HROB: variants seen among roughly 807,000 people sequenced by gnomAD.
HROB encodes homologous recombination factor with OB-fold, also known as homologous recombination OB-fold protein.
HROB carries 44 observed loss-of-function variants against 61.0 expected under a neutral mutation model. The observed-to-expected ratio is 0.72, with a 90% CI of 0.57 to 0.93. The LOEUF is 0.93. HROB is among the 40% of genes least tolerant of loss of function. HROB has a pLI of 0.00. For missense variants in HROB, 716 were observed against 796.2 expected (o/e 0.90, Z 1.21); for synonymous variants, 301 against 310.4 (o/e 0.97, Z 0.32).
chr17:44,155,395 C>T lies in HROB; in HGVS notation c.1754C>T (p.Ser585Phe). 6.2e-7 allele frequency: 1 copy of T among 1,614,152 alleles called. No individual in the cohort carries two copies. Among genetic ancestry groups the T allele is most frequent in the Non-Finnish European group, 8.5e-7 (1 of 1,180,008 alleles). ...DSGDGSFLKP[S>F]QPFPKDSGSF... ...GGGGATGGGAGCTTCCTCAAGCCAT[C>T]TCAGCCCTTCCCCAAGGTAAGAGGA... is the stretch of plus-strand genomic sequence containing the variant. The change falls in exon 8 of 10, where the codon TCT becomes TTT. Residue 585 changes from serine to phenylalanine, a missense_variant. Ser to Phe is a radical substitution (Grantham distance 155). Coordinates refer to ENST00000585683, the MANE Select transcript of HROB (RefSeq NM_001171251.3).
intron 9 of HROB, among the ~76,000 whole-genome samples, chr17:44,160,693 A>G (rs1362941363): frequency 6.6e-6 from 1 of 152,242 alleles, no homozygotes; most frequent in African/African-American, 2.4e-5. Context: ...GCACCTGGGT[A>G]GGTTTCCACC....
intron 9 of HROB, among the ~76,000 whole-genome samples, chr17:44,159,731 T>C (rs895204090): frequency 3.3e-5 from 5 of 152,216 alleles, no homozygotes; most frequent in African/African-American, 1.2e-4. Context: ...GAGGACAGCA[T>C]ATGTCAGCGT....
intron 2 of HROB, among the ~76,000 whole-genome samples, chr17:44,145,921 A>G (rs1313783868): frequency 6.6e-6 from 1 of 152,230 alleles, no homozygotes; most frequent in Non-Finnish European, 1.5e-5. Context: ...GGTTTGTTAC[A>G]TAGGTAAACA....
At chr17:44,152,127 G>A (rs547221440) in intron 4 of HROB, among the ~76,000 whole-genome samples, 6 of 152,168 alleles carry the variant, frequency 3.9e-5, no homozygotes, top group African/African-American at 4.8e-5. Flanking sequence ...TAACAGGTGT[G>A]AGCCACTGCG....
rs771033800 is a variant in HROB, at chr17:44,148,706, C to G, written c.903C>G (p.Phe301Leu). 5 of 1,614,186 alleles carry G rather than the reference C, an allele frequency of 3.1e-6. No individual in the cohort carries two copies. The highest frequency in any genetic ancestry group is 4.2e-6 in the Non-Finnish European group (5 of 1,180,026). The change falls in exon 3 of 10, where the codon TTC (phenylalanine) becomes TTG (leucine). Residue 301 changes from phenylalanine (F) to leucine (L), a missense_variant. By Grantham distance (22) the Phe-to-Leu change is conservative (BLOSUM62 0). Transcript: ENST00000585683. ...SPQNRFPCQPFQSPSSWLSGK... is the reference protein window; with the variant it reads ...SPQNRFPCQPLQSPSSWLSGK... The stretch of plus-strand genomic sequence containing the variant: ...AAAATCGTTTCCCTTGTCAGCCATT[C>G]CAGTCTCCAAGTTCCTGGTTAAGTG...
chr17:44,155,318 C>G lies in HROB; in HGVS notation c.1677C>G (p.His559Gln), dbSNP rs1264778792. Residue 559 changes from histidine (H) to glutamine (Q), a missense_variant, in exon 8 of 10, where the codon CAC becomes CAG. By Grantham distance (24) the His-to-Gln change is conservative. Transcript: ENST00000585683. ...IGVFSPSLRNHYLNVTPNNLV... is the reference protein window; with the variant it reads ...IGVFSPSLRNQYLNVTPNNLV... ...TGTTTTCTCCTTCACTTCGAAATCACTACCTCAACGTGACACCCAACAACC... is the reference window on the plus strand; with the variant it reads ...TGTTTTCTCCTTCACTTCGAAATCAGTACCTCAACGTGACACCCAACAACC... 26 of 1,614,198 alleles carry G rather than the reference C, an allele frequency of 1.6e-5. No individual in the cohort carries two copies. Among genetic ancestry groups the G allele is most frequent in the East Asian group, 2.2e-5 (1 of 44,886 alleles).
intron 2 of HROB, 117 bp from the exon 3 acceptor site, chr17:44,147,741 G>A: frequency 9.4e-7 from 1 of 1,058,428 alleles, no homozygotes; most frequent in South Asian, 1.6e-5. Context: ...CGACCCTCAT[G>A]CTTTGGTTTC....
Position 44,162,344 on chromosome 17 carries a change from A to T in HROB, c.*412A>T. The T allele has an allele frequency of 2.7e-5, 5 of 187,080 alleles. No homozygotes were observed. The highest frequency in any genetic ancestry group is 2.2e-4 in the South Asian group (2 of 9,210). 11.6% of individuals were successfully genotyped at this position (187,080 alleles called of 1,614,324 possible). On this transcript the variant is annotated 3_prime_UTR_variant, in exon 10 of 10. Transcript: ENST00000585683. ...GGCCTGCCCCTCCACACAGGGGAGAAGCACGCTCAGGCTTCCTCTGCTTTG... is the reference window on the plus strand; with the variant it reads ...GGCCTGCCCCTCCACACAGGGGAGATGCACGCTCAGGCTTCCTCTGCTTTG...
At chr17:44,151,184 G>A (rs1391221052) in intron 4 of HROB, 140 bp downstream of exon 4, 3 of 891,036 alleles carry the variant, frequency 3.4e-6, no homozygotes, top group Non-Finnish European at 5.3e-6. Flanking sequence ...TTTGAGGCAG[G>A]TAGTTGGGGG....
At chr17:44,152,842 C>T in intron 5 of HROB, 65 bp downstream of exon 5, 2 of 1,566,462 alleles carry the variant, frequency 1.3e-6, no homozygotes, top group South Asian at 2.3e-5. Context: ...TGACCTACTG[C>T]CCTACTCCAC....
In HROB at chr17:44,141,992, A is replaced by G. The variant is rs1454050259; in HGVS notation, c.-151A>G. The G allele has an allele frequency of 8.1e-6, 9 of 1,112,158 alleles. No individual in the cohort carries two copies. The East Asian group carries it at 1.8e-4, about 23-fold the overall frequency. 68.9% of individuals were successfully genotyped at this position (1,112,158 alleles called of 1,614,324 possible). ...CGCCAGTCTCCTGGCGACTTTCCCTATATCGCAGAGACTCATCCCTCTGAC... is the reference window on the plus strand; with the variant it reads ...CGCCAGTCTCCTGGCGACTTTCCCTGTATCGCAGAGACTCATCCCTCTGAC... On this transcript the variant is annotated 5_prime_UTR_variant, in exon 1 of 10. Transcript: ENST00000585683.
intron 3 of HROB, among the ~76,000 whole-genome samples, chr17:44,150,291 A>G (rs1419708027): frequency 6.6e-6 from 1 of 152,034 alleles, no homozygotes; most frequent in Non-Finnish European, 1.5e-5. Flanking sequence ...GAGGCCGTCT[A>G]TGTTCCTCCT....
chr17:44,142,063 G>T lies in HROB; in HGVS notation c.-80G>T. The T allele has an allele frequency of 1.2e-5, 18 of 1,509,792 alleles. No individual in the cohort carries two copies. The highest frequency in any genetic ancestry group is 1.5e-5 in the Non-Finnish European group (17 of 1,125,636). 93.5% of individuals were successfully genotyped at this position (1,509,792 alleles called of 1,614,324 possible). On this transcript the variant is annotated 5_prime_UTR_variant, in exon 1 of 10. Transcript: ENST00000585683. ...CCTCGGAGTCCGAGACTTCCACCTG[G>T]GTCGTGTCCAAGGCCCCGGCGACTC...
At chr17:44,151,226 C>T (rs925042237) in intron 4 of HROB, among the ~76,000 whole-genome samples, 182 bp downstream of exon 4, 1 of 152,194 alleles carries the variant, frequency 6.6e-6, no homozygotes, top group Non-Finnish European at 1.5e-5. Flanking sequence ...TAAGTGAGGC[C>T]TGTCCTGGTG....
chr17:44,150,788 GTA>G (rs1407684042), intron 3 of HROB, among the ~76,000 whole-genome samples, 171 bp from the exon 4 acceptor site: 2 of 152,186 alleles, frequency 1.3e-5, no homozygotes, highest in Non-Finnish European at 2.9e-5. Context: ...AATCCCCAAA[GTA>G]TCTTTTTTGA....
At position 44,162,044 on chromosome 17, in the gene HROB, G is replaced by C; in HGVS notation, c.*112G>C. 3.9e-6 allele frequency: 5 copies of C among 1,273,226 alleles called. No homozygotes were observed. The highest frequency in any genetic ancestry group is 5.5e-6 in the Non-Finnish European group (5 of 901,134). The allele number at this position is 1,273,226 out of a possible 1,614,324, so 78.9% of individuals were successfully genotyped here. On this transcript the variant is annotated 3_prime_UTR_variant, in exon 10 of 10. Transcript: ENST00000585683. ...ATGATTGGAGAGTGGACACAGCCGG[G>C]GGGCTTCTGTGGTTGCTCCCACCCT...
intron 1 of HROB, among the ~76,000 whole-genome samples, chr17:44,143,090 C>T (rs2053504819): frequency 6.6e-6 from 1 of 152,168 alleles, no homozygotes; most frequent in African/African-American, 2.4e-5. Context: ...GCGGGCACCA[C>T]CACCCCAGCT....
intron 2 of HROB, among the ~76,000 whole-genome samples, chr17:44,146,668 T>C (rs2053619345): frequency 6.6e-6 from 1 of 152,188 alleles, no homozygotes; most frequent in Non-Finnish European, 1.5e-5. Flanking sequence ...GTCATCAGGA[T>C]TTTATTACTG....
At position 44,145,235 on chromosome 17, in the gene HROB, A is replaced by G; in HGVS notation, c.36A>G (p.Glu12=). 6.2e-7 allele frequency: 1 copy of G among 1,613,826 alleles called. No homozygotes were observed. Among genetic ancestry groups the G allele is most frequent in the Non-Finnish European group, 8.5e-7 (1 of 1,179,806 alleles). The change falls in exon 2 of 10, where the codon GAA becomes GAG. Residue 12 remains glutamate (E), a synonymous_variant. Transcript: ENST00000585683. ...GTTTGCAGAAGCTGTTTGCTGTGGAAGAGGAGTTTGAAGATGAGGTAGGGA... is the reference window on the plus strand; with the variant it reads ...GTTTGCAGAAGCTGTTTGCTGTGGAGGAGGAGTTTGAAGATGAGGTAGGGA... The part of the protein sequence containing the change: ...ACSLQKLFAV[E]EEFEDEDFLS...
Sources: allele counts gnomAD v4.1 joint callset (sites outside exome capture counted in the v4.1 genomes callset), GRCh38; gene constraint gnomAD v4.1.1; transcripts MANE v1.5; gene names NCBI Gene and HGNC (gene_info 2026-07-23, HGNC 2026-07-21).